Variants in PTPRD observed in about 807,000 individuals in gnomAD.
The protein encoded by PTPRD is receptor-type tyrosine-protein phosphatase delta.
In PTPRD, 34 loss-of-function variants were observed where a neutral mutation model predicts 214.5. The observed-to-expected ratio is 0.16, with a 90% CI of 0.12 to 0.21. PTPRD has a LOEUF of 0.21. Ranked by LOEUF, PTPRD falls within the 10% of genes least tolerant of loss-of-function variation. The pLI is 1.00. For synonymous variants in PTPRD, 1,128 were observed against 845.7 expected (o/e 1.33, Z -5.79); for missense variants, 2,545 against 2,398.7 (o/e 1.06, Z -1.27).
chr9:8,334,882 C>T (rs948160083), intron 43 of PTPRD, among the ~76,000 whole-genome samples: 1 of 136,900 alleles, frequency 7.3e-6, no homozygotes, highest in East Asian at 2.1e-4. Context: ...ACTATCAACA[C>T]CTCTATGCAA....
intron 7 of PTPRD, among the ~76,000 whole-genome samples, chr9:9,699,268 T>A (rs1193891370): frequency 6.6e-6 from 1 of 152,150 alleles, no homozygotes; most frequent in African/African-American, 2.4e-5. Flanking sequence ...GACCTAGGTG[T>A]TTTTTCAAGC....
At chr9:10,122,841 G>T (rs753269771) in intron 3 of PTPRD, among the ~76,000 whole-genome samples, 3 of 152,176 alleles carry the variant, frequency 2.0e-5, no homozygotes, top group Non-Finnish European at 4.4e-5. Flanking sequence ...ACTAACCACA[G>T]TGATTATACA....
At chr9:10,445,794 C>T (rs1316825327) in intron 2 of PTPRD, among the ~76,000 whole-genome samples, 2 of 151,888 alleles carry the variant, frequency 1.3e-5, no homozygotes, top group Non-Finnish European at 2.9e-5. Flanking sequence ...GAGGTCAAGA[C>T]AAAATGAGAA....
chr9:9,317,495 G>C (rs1963899739), intron 9 of PTPRD, among the ~76,000 whole-genome samples: 1 of 151,924 alleles, frequency 6.6e-6, no homozygotes, highest in African/African-American at 2.4e-5. Flanking sequence ...ATGAAGTTCT[G>C]TCTACCCCAC....
intron 14 of PTPRD, among the ~76,000 whole-genome samples, chr9:8,562,903 G>C (rs911622557): frequency 3.4e-5 from 5 of 146,652 alleles, no homozygotes; most frequent in African/African-American, 1.0e-4. Flanking sequence ...TTAGATCTGT[G>C]AGTTAATTTT....
chr9:9,410,001 A>C (rs2074856587), intron 8 of PTPRD, among the ~76,000 whole-genome samples: 1 of 152,342 alleles, frequency 6.6e-6, no homozygotes, highest in South Asian at 2.1e-4. Flanking sequence ...CAAGAAGAAA[A>C]TATGAAACAC....
chr9:8,361,937 G>A (rs1220746640), intron 39 of PTPRD, among the ~76,000 whole-genome samples: 2 of 152,206 alleles, frequency 1.3e-5, no homozygotes, highest in Non-Finnish European at 2.9e-5. Context: ...GCTAGGACTG[G>A]ACTATTGGTT....
At chr9:9,068,218 G>T (rs535599107) in intron 10 of PTPRD, among the ~76,000 whole-genome samples, 1 of 152,014 alleles carries the variant, frequency 6.6e-6, no homozygotes, top group African/African-American at 2.4e-5. Context: ...CCATGAAATG[G>T]TGTATCACAG....
intron 2 of PTPRD, among the ~76,000 whole-genome samples, chr9:10,469,264 A>G (rs992629059): frequency 1.3e-5 from 2 of 152,326 alleles, no homozygotes; most frequent in East Asian, 1.9e-4. Flanking sequence ...TCATTCCTCT[A>G]CACAAGCAAC....
intron 8 of PTPRD, among the ~76,000 whole-genome samples, chr9:9,453,066 A>C (rs752161330): frequency 6.6e-6 from 1 of 150,672 alleles, no homozygotes; most frequent in Non-Finnish European, 1.5e-5. Flanking sequence ...TAATATCCAT[A>C]AGATGTGACC....
At position 10,523,612 on chromosome 9, in the gene PTPRD, T is replaced by G. The variant is rs1249992614; in HGVS notation, c.-600+88786A>C. Among the ~76,000 whole-genome samples the G allele has an allele frequency of 1.2e-3, 116 of 96,570 alleles. 2 individuals are homozygous for G. Among genetic ancestry groups the G allele is most frequent in the African/African-American group, 3.7e-3 (113 of 30,896 alleles). The allele number at this position is 96,570 out of a possible 152,430, so 63.4% of individuals were successfully genotyped here. On this transcript the variant is annotated intron_variant, in intron 2 of 45. Coordinates refer to ENST00000381196, the MANE Select transcript of PTPRD (RefSeq NM_002839.4). The stretch of plus-strand genomic sequence containing the variant: ...AAGTATATTTATCTGTATATATATA[T>G]ATATATATATAGACAGAAAGAAAGG...
chr9:9,948,766 C>A (rs2093107146), intron 4 of PTPRD, among the ~76,000 whole-genome samples: 1 of 151,744 alleles, frequency 6.6e-6, no homozygotes, highest in African/African-American at 2.4e-5. Context: ...TAGCCTAACC[C>A]AATAAATAGG....
chr9:10,377,993 C>G (rs1158392042), intron 2 of PTPRD, among the ~76,000 whole-genome samples: 1 of 152,008 alleles, frequency 6.6e-6, no homozygotes, highest in Non-Finnish European at 1.5e-5. Context: ...AAATTGTTCT[C>G]CATAGTGGTC....
chr9:9,061,061 G>A (rs755410797), intron 10 of PTPRD, among the ~76,000 whole-genome samples: 9 of 152,130 alleles, frequency 5.9e-5, no homozygotes, highest in South Asian at 2.1e-4. Context: ...CTGAAGTTTG[G>A]TGTTAGCCTT....
rs545265407 is a variant in PTPRD at position 9,432,852 on chromosome 9, A to G, written c.-236-35370T>C. ...GCATAACAAAGAAAGGATTACAGCCAACACTGAGGAGAAAAAGTGGAGTTT... is the reference window on the plus strand; with the variant it reads ...GCATAACAAAGAAAGGATTACAGCCGACACTGAGGAGAAAAAGTGGAGTTT... On this transcript the variant is annotated intron_variant, in intron 8 of 45. Coordinates refer to ENST00000381196, the MANE Select transcript of PTPRD (RefSeq NM_002839.4). Among the ~76,000 whole-genome samples, 17 of 152,352 alleles carry G rather than the reference A, an allele frequency of 1.1e-4. No homozygotes were observed. The South Asian group carries it at 3.5e-3, about 32-fold the overall frequency.
intron 3 of PTPRD, among the ~76,000 whole-genome samples, chr9:10,078,612 G>C (rs1243086866): frequency 1.3e-5 from 2 of 150,850 alleles, no homozygotes; most frequent in Admixed American, 1.3e-4. Flanking sequence ...CAATCAGGGG[G>C]TGTTTGGTCA....
intron 2 of PTPRD, among the ~76,000 whole-genome samples, chr9:10,609,677 C>T (rs2080434824): frequency 6.6e-6 from 1 of 152,118 alleles, no homozygotes; most frequent in Non-Finnish European, 1.5e-5. Flanking sequence ...GATATCATGG[C>T]ATTCCATAAA....
chr9:8,450,994 C>G (rs1818136286), intron 33 of PTPRD, among the ~76,000 whole-genome samples: 1 of 152,186 alleles, frequency 6.6e-6, no homozygotes, highest in Non-Finnish European at 1.5e-5. Flanking sequence ...TTCGATGTGA[C>G]TGTGGTACAG....
intron 43 of PTPRD, 85 bp from the exon 44 acceptor site, chr9:8,331,821 T>G: frequency 7.0e-7 from 1 of 1,429,480 alleles, no homozygotes; most frequent in East Asian, 2.4e-5. Context: ...AACAATCATT[T>G]TCATTTCCCG....
Sources: gnomAD v4.1 joint callset for allele counts (sites outside exome capture counted in the v4.1 genomes callset) on GRCh38, gnomAD v4.1.1 for gene constraint, MANE v1.5 for transcripts, NCBI Gene and HGNC (gene_info 2026-07-23, HGNC 2026-07-21) for gene names.